BAZ2B: variants seen among roughly 807,000 people sequenced by gnomAD.
The protein encoded by BAZ2B is bromodomain adjacent to zinc finger domain protein 2B.
In BAZ2B, 91 loss-of-function variants were observed where a neutral mutation model predicts 246.0. The observed-to-expected ratio is 0.37, with a 90% CI of 0.31 to 0.44. The LOEUF is 0.44. BAZ2B is among the 20% of genes least tolerant of loss of function. BAZ2B has a pLI of 1.00. For missense variants in BAZ2B, 2,332 were observed against 2,533.7 expected (o/e 0.92, Z 1.71); for synonymous variants, 855 against 860.0 (o/e 0.99, Z 0.10).
intron 2 of BAZ2B, among the ~76,000 whole-genome samples, chr2:159,555,186 G>A (rs1046369437): frequency 2.0e-5 from 3 of 151,402 alleles, no homozygotes; most frequent in East Asian, 3.9e-4. Flanking sequence ...CCACCTCCCG[G>A]GTTCAAGTGA....
the BAZ2B span, among the ~76,000 whole-genome samples, chr2:159,691,355 C>T: frequency 6.6e-6 from 1 of 152,194 alleles, no homozygotes; most frequent in Non-Finnish European, 1.5e-5. Flanking sequence ...TAATTGCCTA[C>T]TATTGACCAG....
intron 3 of BAZ2B, among the ~76,000 whole-genome samples, chr2:159,474,107 G>A (rs761858477): frequency 1.7e-4 from 26 of 152,202 alleles, no homozygotes; most frequent in African/African-American, 4.6e-4. Flanking sequence ...TTCAAGTCCC[G>A]AATATCCTTG....
At chr2:159,701,737 T>C in the BAZ2B span, among the ~76,000 whole-genome samples, 2 of 148,980 alleles carry the variant, frequency 1.3e-5, no homozygotes, top group Non-Finnish European at 3.0e-5. Context: ...ACATATTATA[T>C]ATATATTTTG....
intron 31 of BAZ2B, among the ~76,000 whole-genome samples, chr2:159,344,238 C>T (rs9678906): frequency 0.24 from 36,643 of 151,622 alleles, 4,535 homozygotes; most frequent in Middle Eastern, 0.32. Context: ...AGAAAATTGT[C>T]GTATTGAAAA....
At chr2:159,477,665 A>G (rs116463964) in intron 3 of BAZ2B, among the ~76,000 whole-genome samples, 2,332 of 152,314 alleles carry the variant, frequency 0.015, 54 homozygotes, top group African/African-American at 0.053. Flanking sequence ...AATAGTTAAA[A>G]TTAAAATGTT....
At chr2:159,358,339 AC>A (rs1191431548) in intron 27 of BAZ2B, among the ~76,000 whole-genome samples, 1 of 151,970 alleles carries the variant, frequency 6.6e-6, no homozygotes, top group Non-Finnish European at 1.5e-5. Context: ...CAGACTTTAA[AC>A]CAACAAAGAT....
chr2:159,520,612 G>A (rs7586034), intron 2 of BAZ2B, among the ~76,000 whole-genome samples: 38,365 of 151,912 alleles, frequency 0.25, 5,316 homozygotes, highest in African/African-American at 0.37. Flanking sequence ...AACAGCTCAT[G>A]TTTGTTCAAC....
At chr2:159,507,956 C>A (rs2082503930) in intron 2 of BAZ2B, among the ~76,000 whole-genome samples, 1 of 152,138 alleles carries the variant, frequency 6.6e-6, no homozygotes, top group South Asian at 2.1e-4. Context: ...GCCACAACCT[C>A]CACCTCCCGG....
intron 20 of BAZ2B, among the ~76,000 whole-genome samples, chr2:159,390,610 G>A (rs2063214094): frequency 6.6e-6 from 1 of 152,080 alleles, no homozygotes; most frequent in African/African-American, 2.4e-5. Context: ...CTGCTGGAGG[G>A]AAGGCCAAGA....
intron 1 of BAZ2B, among the ~76,000 whole-genome samples, chr2:159,605,716 T>C (rs1230152775): frequency 2.0e-5 from 3 of 152,154 alleles, no homozygotes; most frequent in African/African-American, 7.2e-5. Flanking sequence ...AGCAAGACCC[T>C]GTCTCTAAAA....
At chr2:159,578,207 G>GT (rs1447941629) in intron 1 of BAZ2B, among the ~76,000 whole-genome samples, 4 of 152,062 alleles carry the variant, frequency 2.6e-5, no homozygotes, top group Admixed American at 2.6e-4. Flanking sequence ...GAAACAGACT[G>GT]TGGTTTCAAT....
At chr2:159,632,198 G>A in the BAZ2B span, among the ~76,000 whole-genome samples, 74 of 152,226 alleles carry the variant, frequency 4.9e-4, no homozygotes, top group African/African-American at 1.7e-3. Context: ...TGACAATCCT[G>A]TATGAAATCC....
At chr2:159,447,039 A>G in intron 5 of BAZ2B, 64 bp from the exon 6 acceptor site, 1 of 1,218,884 alleles carries the variant, frequency 8.2e-7, no homozygotes, top group Non-Finnish European at 1.1e-6. Context: ...AAAATGAAGT[A>G]CAGATATATG....
At chr2:159,684,074 G>A in the BAZ2B span, among the ~76,000 whole-genome samples, 1 of 152,192 alleles carries the variant, frequency 6.6e-6, no homozygotes, top group East Asian at 1.9e-4. Context: ...ATTACAGTAA[G>A]GAGCCTTTTG....
chr2:159,393,051 T>C (rs2063537780), intron 20 of BAZ2B, among the ~76,000 whole-genome samples: 1 of 152,124 alleles, frequency 6.6e-6, no homozygotes, highest in South Asian at 2.1e-4. Context: ...ATAGGAACCA[T>C]GTGAATATTT....
At chr2:159,571,509 T>C (rs1043938048) in intron 1 of BAZ2B, among the ~76,000 whole-genome samples, 4 of 152,180 alleles carry the variant, frequency 2.6e-5, no homozygotes, top group African/African-American at 9.7e-5. Context: ...AGCATCATCA[T>C]GGGTCTGCTC....
intron 2 of BAZ2B, among the ~76,000 whole-genome samples, chr2:159,505,802 C>G (rs1020283622): frequency 6.6e-6 from 1 of 152,166 alleles, no homozygotes; most frequent in Non-Finnish European, 1.5e-5. Flanking sequence ...ACAATTCATA[C>G]AAGTAACAGC....
chr2:159,641,791 C>A, the BAZ2B span, among the ~76,000 whole-genome samples: 1 of 152,106 alleles, frequency 6.6e-6, no homozygotes, highest in Non-Finnish European at 1.5e-5. Context: ...AGCCAGTTAT[C>A]CCAACATTGT....
chr2:159,678,795 A>G, the BAZ2B span, among the ~76,000 whole-genome samples: 3 of 152,092 alleles, frequency 2.0e-5, no homozygotes, highest in Non-Finnish European at 1.5e-5. Context: ...TATCACATAC[A>G]CCTCCAAAAT....
Sources: allele counts gnomAD v4.1 joint callset (sites outside exome capture counted in the v4.1 genomes callset), GRCh38; gene constraint gnomAD v4.1.1; transcripts MANE v1.5; gene names NCBI Gene and HGNC (gene_info 2026-07-23, HGNC 2026-07-21).